Variants in NECTIN3 observed in about 807,000 individuals in gnomAD.
NECTIN3 encodes the protein nectin-3.
Under a neutral mutation model 49.4 loss-of-function variants are expected in NECTIN3, and 8 were observed. The ratio of observed to expected loss-of-function variants is 0.16; its 90% CI spans 0.10 to 0.29. NECTIN3 has a LOEUF of 0.29. Among genes scored for constraint, NECTIN3 ranks in the 10% least tolerant of loss-of-function variants. NECTIN3 has a pLI of 1.00. For missense variants in NECTIN3, 581 were observed against 654.6 expected (o/e 0.89, Z 1.23); for synonymous variants, 277 against 241.1 (o/e 1.15, Z -1.38).
At chr3:111,089,626 T>A (rs1010332934) in intron 1 of NECTIN3, among the ~76,000 whole-genome samples, 1 of 152,146 alleles carries the variant, frequency 6.6e-6, no homozygotes, top group Non-Finnish European at 1.5e-5. Flanking sequence ...GATTTTTGTT[T>A]TAACATTGTG....
upstream of NECTIN3, among the ~76,000 whole-genome samples, chr3:111,188,836 C>T (rs143285277): frequency 2.8e-4 from 43 of 152,198 alleles, no homozygotes; most frequent in African/African-American, 7.5e-4. Context: ...ATTTATTTTC[C>T]GGTCATGTTA....
chr3:111,145,253 A>G (rs930172005), intron 6 of NECTIN3, among the ~76,000 whole-genome samples: 29 of 152,128 alleles, frequency 1.9e-4, no homozygotes, highest in Non-Finnish European at 2.2e-4. Flanking sequence ...ACAGCTTTAC[A>G]TTTTTCACCT....
intron 1 of NECTIN3, among the ~76,000 whole-genome samples, chr3:111,111,647 G>T (rs1371656684): frequency 6.6e-6 from 1 of 152,156 alleles, no homozygotes; most frequent in Non-Finnish European, 1.5e-5. Context: ...TTCTCACAAG[G>T]CTGCAGTCAA....
intron 1 of NECTIN3, among the ~76,000 whole-genome samples, chr3:111,091,279 G>A (rs756178161): frequency 1.6e-4 from 24 of 151,440 alleles, no homozygotes; most frequent in Non-Finnish European, 2.7e-4. Flanking sequence ...TTTTTGAGAC[G>A]GAGTCTTGCT....
chr3:111,171,819 T>A (rs531436584), intron 7 of NECTIN3, among the ~76,000 whole-genome samples: 14 of 152,300 alleles, frequency 9.2e-5, no homozygotes, highest in South Asian at 8.3e-4. Context: ...TTCGAACAAT[T>A]CACTTCATTA....
chr3:111,089,348 C>T (rs956342995), intron 1 of NECTIN3, among the ~76,000 whole-genome samples: 3 of 151,048 alleles, frequency 2.0e-5, no homozygotes, highest in African/African-American at 7.3e-5. Context: ...GGGCTTATTT[C>T]TTATTCTTTT....
chr3:111,145,197 A>G (rs532425741), intron 6 of NECTIN3, among the ~76,000 whole-genome samples: 23 of 152,278 alleles, frequency 1.5e-4, no homozygotes, highest in South Asian at 4.1e-4. Context: ...ATCTCAAACT[A>G]TATCTTGCTA....
chr3:111,127,960 CTGTT>C (rs1316620789), intron 5 of NECTIN3, among the ~76,000 whole-genome samples: 1 of 152,136 alleles, frequency 6.6e-6, no homozygotes, highest in Non-Finnish European at 1.5e-5. Context: ...TACTTAAGGA[CTGTT>C]TATTTTGTTT....
chr3:111,090,936 G>T (rs369823976), intron 1 of NECTIN3, among the ~76,000 whole-genome samples: 1 of 151,686 alleles, frequency 6.6e-6, no homozygotes, highest in Non-Finnish European at 1.5e-5. Context: ...GCTAGTGTGT[G>T]TGTGTGTGTA....
intron 1 of NECTIN3, among the ~76,000 whole-genome samples, chr3:111,104,914 TTTGA>T (rs888371628): frequency 1.9e-4 from 29 of 152,172 alleles, no homozygotes; most frequent in African/African-American, 6.5e-4. Context: ...AAGATGGGAA[TTTGA>T]TTGTGTTAAA....
intron 1 of NECTIN3, among the ~76,000 whole-genome samples, chr3:111,087,201 G>T (rs962205643): frequency 6.6e-6 from 1 of 152,082 alleles, no homozygotes; most frequent in African/African-American, 2.4e-5. Flanking sequence ...TTCAATGATT[G>T]TATTGTTTTT....
At chr3:111,160,565 CTT>C (rs964406576) in intron 7 of NECTIN3, among the ~76,000 whole-genome samples, 3 of 152,032 alleles carry the variant, frequency 2.0e-5, no homozygotes, top group Non-Finnish European at 4.4e-5. Context: ...CATATCAACT[CTT>C]TTTTACATGA....
chr3:111,093,889 A>C (rs2107399859), intron 1 of NECTIN3, among the ~76,000 whole-genome samples: 1 of 152,280 alleles, frequency 6.6e-6, no homozygotes, highest in African/African-American at 2.4e-5. Context: ...TTGTTTTAAA[A>C]CCTCTATTAG....
intron 7 of NECTIN3, among the ~76,000 whole-genome samples, chr3:111,169,603 T>C (rs1217375419): frequency 6.6e-6 from 1 of 152,134 alleles, no homozygotes; most frequent in Non-Finnish European, 1.5e-5. Context: ...TGATGATTAT[T>C]CCATTCACTT....
At chr3:111,116,559 C>T (rs1675663197) in intron 2 of NECTIN3, among the ~76,000 whole-genome samples, 1 of 151,976 alleles carries the variant, frequency 6.6e-6, no homozygotes, top group African/African-American at 2.4e-5. Flanking sequence ...ATTAGAGTTT[C>T]AATGGAGTGG....
At chr3:111,149,458 GAT>G (rs1491488070) in intron 7 of NECTIN3, among the ~76,000 whole-genome samples, 3 of 109,616 alleles carry the variant, frequency 2.7e-5, no homozygotes, top group Admixed American at 8.8e-5. Flanking sequence ...ATTCTGGTAG[GAT>G]GTGTGTGTGT....
intron 7 of NECTIN3, among the ~76,000 whole-genome samples, chr3:111,185,485 C>T (rs954644719): frequency 1.5e-5 from 2 of 134,068 alleles, no homozygotes; most frequent in African/African-American, 7.7e-5. Context: ...GGTATTAGTT[C>T]TCCATCATGG....
At chr3:111,110,253 G>A (rs544419267) in intron 1 of NECTIN3, among the ~76,000 whole-genome samples, 12 of 151,148 alleles carry the variant, frequency 7.9e-5, no homozygotes, top group African/African-American at 2.9e-4. Flanking sequence ...ATCTTGTCTT[G>A]GTCTTTTTTT....
intron 7 of NECTIN3, among the ~76,000 whole-genome samples, chr3:111,149,237 T>A (rs1175297826): frequency 6.6e-6 from 1 of 152,144 alleles, no homozygotes; most frequent in Non-Finnish European, 1.5e-5. Flanking sequence ...TTTCAATTAC[T>A]ATTGCTTTAT....
Sources: allele counts gnomAD v4.1 joint callset (sites outside exome capture counted in the v4.1 genomes callset), GRCh38; gene constraint gnomAD v4.1.1; transcripts MANE v1.5; gene names NCBI Gene and HGNC (gene_info 2026-07-23, HGNC 2026-07-21).